The following TNPO1 variants were observed in gnomAD, a reference collection of about 807,000 sequenced individuals.
TNPO1 encodes the protein transportin-1.
A neutral mutation model predicts 119.5 loss-of-function variants in TNPO1; 8 were observed. The observed-to-expected ratio is 0.07, with a 90% confidence interval of 0.04 to 0.12. The LOEUF is 0.12. TNPO1 is among the 10% of genes least tolerant of loss of function. The probability of loss-of-function intolerance (pLI) is 1.00; values close to 1 mark genes in which losing one functional copy is unlikely to be tolerated. For missense variants in TNPO1, 576 were observed against 1,089.8 expected (o/e 0.53, Z 6.64); for synonymous variants, 362 against 363.0 (o/e 1.00, Z 0.03).
chr5:72,816,914 A>G, intron 1 of TNPO1, 162 bp downstream of exon 1: 2 of 852,136 alleles, frequency 2.3e-6, no homozygotes, highest in Non-Finnish European at 3.4e-6. Context: ...GCGCGGTTCT[A>G]ACCCCAACAG....
intron 5 of TNPO1, among the ~76,000 whole-genome samples, 199 bp downstream of exon 5, chr5:72,862,113 T>C (rs549802390): frequency 6.6e-6 from 1 of 152,376 alleles, no homozygotes; most frequent in South Asian, 2.1e-4. Context: ...AAACCTCTTT[T>C]ACTGTATTTC....
chr5:72,839,177 C>A (rs1265059992), intron 1 of TNPO1, among the ~76,000 whole-genome samples: 2 of 152,044 alleles, frequency 1.3e-5, no homozygotes, highest in African/African-American at 4.8e-5. Context: ...TGGGACAATC[C>A]CTAGTAAAGC....
At chr5:72,869,053 A>G (rs1747173072) in intron 6 of TNPO1, among the ~76,000 whole-genome samples, 1 of 152,214 alleles carries the variant, frequency 6.6e-6, no homozygotes, top group Non-Finnish European at 1.5e-5. Flanking sequence ...ATTTCTACAC[A>G]GCAAGGAAAG....
At chr5:72,856,624 T>C (rs535508526) in intron 4 of TNPO1, among the ~76,000 whole-genome samples, 1 of 152,348 alleles carries the variant, frequency 6.6e-6, no homozygotes, top group East Asian at 1.9e-4. Flanking sequence ...ATGAAAAACC[T>C]AAGTGTATAT....
chr5:72,889,176 G>A (rs113167156), intron 13 of TNPO1, among the ~76,000 whole-genome samples: 29 of 152,208 alleles, frequency 1.9e-4, no homozygotes, highest in Non-Finnish European at 3.5e-4. Context: ...TCCTGCCTCT[G>A]CCTCCTGAGT....
chr5:72,901,207 A>G (rs998899383), intron 22 of TNPO1, 134 bp downstream of exon 22: 92 of 532,876 alleles, frequency 1.7e-4, no homozygotes, highest in African/African-American at 1.5e-3. Flanking sequence ...TTTAAAATGT[A>G]TATTTCTTAA....
rs1561353329 is a variant in TNPO1 at position 72,893,441 on chromosome 5, A to G, written c.1961A>G (p.Asp654Gly). 6.2e-7 allele frequency: 1 copy of G among 1,614,182 alleles called. No homozygotes were observed. Among genetic ancestry groups the G allele is most frequent in the Non-Finnish European group, 8.5e-7 (1 of 1,180,036 alleles). The change falls in exon 17 of 25, where the codon GAT (aspartate) becomes GGT (glycine). Residue 654 changes from aspartate to glycine, a missense_variant. Physicochemically the swap from Asp to Gly is moderately conservative, Grantham distance 94. Coordinates refer to ENST00000337273, the MANE Select transcript of TNPO1 (RefSeq NM_002270.4). Reference protein sequence around the residue: ...PDKDFMIVALDLLSGLAEGLG... With the variant: ...PDKDFMIVALGLLSGLAEGLG... Reference sequence around the variant, plus strand: ...AAAGATTTTATGATAGTGGCTCTTGATTTACTGAGTGGCCTGGCTGAAGGA... The same window carrying G: ...AAAGATTTTATGATAGTGGCTCTTGGTTTACTGAGTGGCCTGGCTGAAGGA...
At chr5:72,879,047 A>T (rs996542904) in intron 9 of TNPO1, 12 of 305,508 alleles carry the variant, frequency 3.9e-5, no homozygotes, top group Non-Finnish European at 7.4e-5. Context: ...ACATAAGCAC[A>T]TCTCTTGCCC....
At chr5:72,822,218 A>G (rs558947476) in intron 1 of TNPO1, among the ~76,000 whole-genome samples, 1 of 152,296 alleles carries the variant, frequency 6.6e-6, no homozygotes, top group East Asian at 1.9e-4. Context: ...AAAACAACTC[A>G]GTTTTTTAAG....
chr5:72,893,043 A>T, intron 15 of TNPO1, 96 bp from the exon 16 acceptor site: 1 of 907,328 alleles, frequency 1.1e-6, no homozygotes, highest in Non-Finnish European at 1.7e-6. Flanking sequence ...GAGCAAGCTC[A>T]TAAATGATCA....
intron 1 of TNPO1, among the ~76,000 whole-genome samples, chr5:72,818,110 C>A (rs1743783111): frequency 6.6e-6 from 1 of 152,218 alleles, no homozygotes; most frequent in African/African-American, 2.4e-5. Context: ...TTACTTCATG[C>A]AATTTAACGT....
At chr5:72,890,331 T>A (rs1236519158) in intron 14 of TNPO1, among the ~76,000 whole-genome samples, 2 of 152,212 alleles carry the variant, frequency 1.3e-5, no homozygotes, top group Non-Finnish European at 2.9e-5. Flanking sequence ...GACATCTTTG[T>A]TTTTTCAGCA....
chr5:72,831,035 A>G (rs997163260), intron 1 of TNPO1, among the ~76,000 whole-genome samples: 5 of 152,116 alleles, frequency 3.3e-5, no homozygotes, highest in Non-Finnish European at 7.4e-5. Context: ...TTACCACATT[A>G]GTTTTCTTCG....
intron 4 of TNPO1, among the ~76,000 whole-genome samples, chr5:72,856,900 G>C (rs879405689): frequency 6.6e-6 from 1 of 152,168 alleles, no homozygotes; most frequent in Non-Finnish European, 1.5e-5. Context: ...GAAGAGGAGC[G>C]TACTAATGGG....
intron 11 of TNPO1, among the ~76,000 whole-genome samples, chr5:72,886,622 G>A (rs541203816): frequency 6.6e-6 from 1 of 151,928 alleles, no homozygotes; most frequent in South Asian, 2.1e-4. Context: ...TTTTTGGCTG[G>A]GCATGGTGGC....
At chr5:72,872,591 G>C (rs762915761) in intron 6 of TNPO1, 48 bp from the exon 7 acceptor site, 40 of 1,373,704 alleles carry the variant, frequency 2.9e-5, no homozygotes, top group Non-Finnish European at 4.0e-5. Context: ...TCTATAGATA[G>C]AACAAAGTTA....
At chr5:72,856,044 C>A in intron 4 of TNPO1, 121 bp downstream of exon 4, 2 of 1,012,196 alleles carry the variant, frequency 2.0e-6, no homozygotes, top group Non-Finnish European at 3.0e-6. Flanking sequence ...GGGAAACTTT[C>A]ATTGCCTTTA....
chr5:72,865,752 T>C (rs1200390051), intron 6 of TNPO1, 23 bp downstream of exon 6: 3 of 1,603,088 alleles, frequency 1.9e-6, no homozygotes, highest in African/African-American at 1.3e-5. Context: ...CCAGTACTAA[T>C]TGATTAACTG....
intron 1 of TNPO1, among the ~76,000 whole-genome samples, chr5:72,841,456 A>G (rs573776941): frequency 2.1e-4 from 31 of 151,162 alleles, no homozygotes; most frequent in Non-Finnish European, 3.8e-4. Flanking sequence ...GGTTCAAGCA[A>G]TTCTCATGCC....
Sources: allele counts gnomAD v4.1 joint callset (sites outside exome capture counted in the v4.1 genomes callset), GRCh38; gene constraint gnomAD v4.1.1; transcripts MANE v1.5; gene names NCBI Gene and HGNC (gene_info 2026-07-23, HGNC 2026-07-21).